The following DYM variants were observed in gnomAD, a reference collection of about 807,000 sequenced individuals.
DYM encodes the protein dyggve-Melchior-Clausen syndrome protein.
Under a neutral mutation model 93.1 loss-of-function variants are expected in DYM, and 78 were observed. The observed-to-expected ratio is 0.84, with a 90% CI of 0.70 to 1.01. The LOEUF is 1.01. Ranked by LOEUF, DYM falls within the 50% of genes least tolerant of loss-of-function variation. The pLI is 0.00. For synonymous variants in DYM, 321 were observed against 319.7 expected (o/e 1.00, Z -0.04); for missense variants, 789 against 845.0 (o/e 0.93, Z 0.82).
chr18:49,162,514 TC>T (rs112043528), intron 15 of DYM, among the ~76,000 whole-genome samples: 1,538 of 152,310 alleles, frequency 0.01, 29 homozygotes, highest in African/African-American at 0.032. Flanking sequence ...AATCTATTGA[TC>T]CATGAATTCA....
At chr18:49,083,791 T>A (rs1048479798) in intron 17 of DYM, among the ~76,000 whole-genome samples, 1 of 152,210 alleles carries the variant, frequency 6.6e-6, no homozygotes, top group African/African-American at 2.4e-5. Context: ...TTTCAATTTG[T>A]TTCTAATATT....
intron 15 of DYM, among the ~76,000 whole-genome samples, chr18:49,148,471 T>C (rs965812792): frequency 6.6e-6 from 1 of 152,152 alleles, no homozygotes; most frequent in Non-Finnish European, 1.5e-5. Context: ...TTGCTCAGGC[T>C]GGTCTCGAAC....
intron 10 of DYM, among the ~76,000 whole-genome samples, chr18:49,281,501 C>A (rs2094974860): frequency 6.6e-6 from 1 of 152,206 alleles, no homozygotes; most frequent in Non-Finnish European, 1.5e-5. Context: ...GACACATGCA[C>A]ACGCATGTTT....
At chr18:49,120,078 C>CAAAAAAAAAAAAAAAAAAAAAA (rs71165367) in intron 15 of DYM, among the ~76,000 whole-genome samples, 2 of 56,178 alleles carry the variant, frequency 3.6e-5, no homozygotes, top group East Asian at 4.4e-4. Flanking sequence ...GATCCTGTCT[C>CAAAAAAAAAAAAAAAAAAAAAA]AAAAAAAAAA....
chr18:49,359,530 C>T (rs2065845978), intron 6 of DYM, among the ~76,000 whole-genome samples: 1 of 152,200 alleles, frequency 6.6e-6, no homozygotes, highest in South Asian at 2.1e-4. Context: ...GAGTTTATTT[C>T]AAGTATGCCA....
intron 2 of DYM, 56 bp downstream of exon 2, chr18:49,430,199 C>T: frequency 6.4e-7 from 1 of 1,557,500 alleles, no homozygotes. Flanking sequence ...ATCAGCATAC[C>T]ACACAAGTTG....
At chr18:49,168,014 A>G (rs1309057967) in intron 14 of DYM, among the ~76,000 whole-genome samples, 1 of 140,932 alleles carries the variant, frequency 7.1e-6, no homozygotes, top group Non-Finnish European at 1.5e-5. Flanking sequence ...AATGTTGAGT[A>G]AAAAAATAAG....
chr18:49,426,943 G>A (rs145426997), intron 2 of DYM, among the ~76,000 whole-genome samples: 420 of 152,198 alleles, frequency 2.8e-3, no homozygotes, highest in Non-Finnish European at 4.9e-3. Flanking sequence ...AATAAATATA[G>A]TAAGAACTAT....
chr18:49,157,603 GC>G (rs1224229917), intron 15 of DYM, among the ~76,000 whole-genome samples: 2 of 152,092 alleles, frequency 1.3e-5, no homozygotes, highest in African/African-American at 4.8e-5. Flanking sequence ...TATAATATTT[GC>G]CCATTTTAAA....
At chr18:49,066,540 G>A (rs1235869209) in intron 17 of DYM, among the ~76,000 whole-genome samples, 1 of 152,102 alleles carries the variant, frequency 6.6e-6, no homozygotes, top group Admixed American at 6.5e-5. Flanking sequence ...TGTTTCCAGG[G>A]TTGGACTGTT....
chr18:49,129,309 C>A (rs554598789), intron 15 of DYM, among the ~76,000 whole-genome samples: 1 of 151,848 alleles, frequency 6.6e-6, no homozygotes, highest in East Asian at 1.9e-4. Flanking sequence ...CTTCAGTTTC[C>A]GTGTAGGATG....
At chr18:49,107,105 C>T (rs1413917403) in intron 16 of DYM, among the ~76,000 whole-genome samples, 5 of 151,956 alleles carry the variant, frequency 3.3e-5, no homozygotes, top group African/African-American at 1.2e-4. Flanking sequence ...TTGTTCATTT[C>T]TTTTTATTCT....
intron 6 of DYM, among the ~76,000 whole-genome samples, chr18:49,361,633 G>T (rs1462870178): frequency 6.6e-6 from 1 of 152,188 alleles, no homozygotes; most frequent in Non-Finnish European, 1.5e-5. Flanking sequence ...TGTGTCTGGG[G>T]ATTCAAATTT....
At chr18:49,318,290 A>T (rs1265213576) in intron 8 of DYM, among the ~76,000 whole-genome samples, 1 of 152,220 alleles carries the variant, frequency 6.6e-6, no homozygotes, top group African/African-American at 2.4e-5. Context: ...CTGAGAGAAG[A>T]CAAGAATAGG....
chr18:49,455,407 C>T (rs1320283540), intron 1 of DYM, among the ~76,000 whole-genome samples: 5 of 151,982 alleles, frequency 3.3e-5, no homozygotes, highest in Admixed American at 6.6e-5. Context: ...ATATCCAAGT[C>T]GAGAAATCTA....
intron 9 of DYM, 60 bp from the exon 10 acceptor site, chr18:49,282,235 ATT>A (rs2095004569): frequency 7.0e-7 from 1 of 1,424,124 alleles, no homozygotes; most frequent in African/African-American, 1.4e-5. Context: ...AAATAAAAAT[ATT>A]GTTAAAGTAA....
In DYM at chr18:49,421,916, T is replaced by C. The variant is rs562831194; in HGVS notation, c.140+8339A>G. ...AAGAAAGGGTATCAGTGATTGAAGATCAAATGAATGAAATGAAGCAAGAAG... is the reference window on the plus strand; with the variant it reads ...AAGAAAGGGTATCAGTGATTGAAGACCAAATGAATGAAATGAAGCAAGAAG... On this transcript the variant is annotated intron_variant, in intron 2 of 17. Transcript: ENST00000675505. Among the ~76,000 whole-genome samples the C allele has an allele frequency of 2.0e-5, 3 of 152,134 alleles. No homozygotes were observed. The South Asian group carries it at 6.2e-4, about 32-fold the overall frequency.
At chr18:49,195,316 CTA>C (rs1277680144) in intron 14 of DYM, among the ~76,000 whole-genome samples, 1 of 152,146 alleles carries the variant, frequency 6.6e-6, no homozygotes, top group Non-Finnish European at 1.5e-5. Context: ...AGTGATACCT[CTA>C]TGTGTGTATA....
intron 5 of DYM, among the ~76,000 whole-genome samples, chr18:49,371,945 G>T (rs147825846): frequency 2.6e-4 from 40 of 152,262 alleles, no homozygotes; most frequent in Non-Finnish European, 1.3e-4. Context: ...CACTGAAAAT[G>T]CCAGCAATAT....
Sources: allele counts gnomAD v4.1 joint callset (sites outside exome capture counted in the v4.1 genomes callset), GRCh38; gene constraint gnomAD v4.1.1; transcripts MANE v1.5; gene names NCBI Gene and HGNC (gene_info 2026-07-23, HGNC 2026-07-21).